Variants in NEMP2 observed in about 807,000 individuals in gnomAD.
NEMP2 encodes UPF0571 transmembrane protein.
NEMP2 carries 53 observed loss-of-function variants against 54.2 expected under a neutral mutation model. That is an observed-to-expected ratio of 0.98 (90% CI 0.78 to 1.23). NEMP2 has a LOEUF of 1.23. Among genes scored for constraint, NEMP2 ranks in the 50% most tolerant of loss-of-function variants. NEMP2 has a pLI of 0.00. For synonymous variants in NEMP2, 197 were observed against 190.3 expected (o/e 1.04, Z -0.29); for missense variants, 455 against 511.3 (o/e 0.89, Z 1.06).
At chr2:190,498,330 C>T in the NEMP2 span, among the ~76,000 whole-genome samples, 3 of 152,152 alleles carry the variant, frequency 2.0e-5, no homozygotes, top group Admixed American at 2.0e-4. This position sits in a 1 kb window ranked among gnomAD's most constrained non-coding sequence, Gnocchi z 5.9. Context: ...ACAATTTAGC[C>T]AAAGAAATAG....
At chr2:190,554,316 C>T in the NEMP2 span, among the ~76,000 whole-genome samples, 2 of 152,132 alleles carry the variant, frequency 1.3e-5, no homozygotes, top group South Asian at 4.1e-4. This position sits in a 1 kb window ranked among gnomAD's most constrained non-coding sequence, Gnocchi z 5.7. Flanking sequence ...ACCGTTGACT[C>T]CCCTGGAAAG....
At chr2:190,623,853 G>C in the NEMP2 span, among the ~76,000 whole-genome samples, 1 of 152,088 alleles carries the variant, frequency 6.6e-6, no homozygotes, top group Non-Finnish European at 1.5e-5. Context: ...AACCTCTGCA[G>C]AGCAAAGGAA....
the NEMP2 span, chr2:190,626,631 C>A: frequency 6.6e-6 from 1 of 152,248 alleles, no homozygotes; most frequent in East Asian, 1.9e-4. The surrounding 1 kb of genome is among the most constrained non-coding windows in gnomAD (Gnocchi z 4.5). Context: ...AGCTGCAGGT[C>A]AGACAACCCA....
At chr2:190,612,538 T>C in the NEMP2 span, among the ~76,000 whole-genome samples, 1 of 152,220 alleles carries the variant, frequency 6.6e-6, no homozygotes, top group South Asian at 2.1e-4. Flanking sequence ...AAATATCTTT[T>C]CTTTAATACC....
At chr2:190,553,815 T>C in the NEMP2 span, among the ~76,000 whole-genome samples, 1 of 152,226 alleles carries the variant, frequency 6.6e-6, no homozygotes, top group African/African-American at 2.4e-5. Context: ...CTCCATGGAC[T>C]CTTTTATTAC....
the NEMP2 span, chr2:190,477,393 A>G: frequency 1.0e-6 from 1 of 965,702 alleles, no homozygotes. Context: ...TACCTACAGA[A>G]AAGAAATGAC....
the NEMP2 span, chr2:190,489,922 A>G: frequency 7.2e-7 from 1 of 1,392,084 alleles, no homozygotes; most frequent in Non-Finnish European, 9.6e-7. The surrounding 1 kb of genome is among the most constrained non-coding windows in gnomAD (Gnocchi z 6.6). Flanking sequence ...TGGGAAGTCA[A>G]CAAATGCCCC....
rs143095275 is a variant in NEMP2, at chr2:190,525,644, C to A, written c.98-266G>T. On this transcript the variant is annotated intron_variant, in intron 1 of 8. Transcript: ENST00000409150. This position sits in a 1 kb window ranked among gnomAD's most constrained non-coding sequence, Gnocchi z 5.0. The stretch of plus-strand genomic sequence containing the variant: ...ACTTCTTCAATTCTGAAGCAGAAGG[C>A]AGAATTATGGGCACCTTCTCAGAAA... Among the ~76,000 whole-genome samples the A allele has an allele frequency of 6.6e-6, 1 of 151,908 alleles. No individual in the cohort carries two copies. Among genetic ancestry groups the A allele is most frequent in the Non-Finnish European group, 1.5e-5 (1 of 67,980 alleles).
chr2:190,468,068 T>C, the NEMP2 span, among the ~76,000 whole-genome samples: 2 of 152,238 alleles, frequency 1.3e-5, no homozygotes, highest in African/African-American at 4.8e-5. Flanking sequence ...AACTTGTGTG[T>C]TCATGTAGTA....
chr2:190,598,703 A>C, the NEMP2 span, among the ~76,000 whole-genome samples: 1 of 152,256 alleles, frequency 6.6e-6, no homozygotes, highest in African/African-American at 2.4e-5. Flanking sequence ...CAACCATTTT[A>C]AATTGGAATG....
At chr2:190,488,667 C>T in the NEMP2 span, 10 of 1,554,828 alleles carry the variant, frequency 6.4e-6, no homozygotes, top group African/African-American at 1.4e-5. This position sits in a 1 kb window ranked among gnomAD's most constrained non-coding sequence, Gnocchi z 6.4. Context: ...GAGTGACACA[C>T]GCGGCCATCT....
At chr2:190,581,883 G>C in the NEMP2 span, among the ~76,000 whole-genome samples, 1 of 152,094 alleles carries the variant, frequency 6.6e-6, no homozygotes, top group South Asian at 2.1e-4. Context: ...AGTCATATTG[G>C]TAACTTGAAA....
At chr2:190,438,227 T>A in the NEMP2 span, among the ~76,000 whole-genome samples, 2 of 133,746 alleles carry the variant, frequency 1.5e-5, no homozygotes, top group African/African-American at 5.5e-5. This position sits in a 1 kb window ranked among gnomAD's most constrained non-coding sequence, Gnocchi z 5.2. Flanking sequence ...AAAAAAAAAA[T>A]CTATAGGCTG....
chr2:190,548,899 C>T, the NEMP2 span, among the ~76,000 whole-genome samples: 10 of 152,318 alleles, frequency 6.6e-5, no homozygotes, highest in East Asian at 1.9e-3. Context: ...AAATATCCAC[C>T]ATCCTGATTT....
chr2:190,514,537 G>T lies in NEMP2; in HGVS notation c.869C>A (p.Pro290His). Reference protein sequence around the residue: ...LVLVYAGVAVPQFAYAAIILL... With the variant: ...LVLVYAGVAVHQFAYAAIILL... Reference sequence around the variant, plus strand: ...GATTATGGCTGCATAGGCAAACTGAGGCACGGCCACACCAGCATAGACCAG... The same window carrying T: ...GATTATGGCTGCATAGGCAAACTGATGCACGGCCACACCAGCATAGACCAG... Residue 290 changes from proline (P) to histidine (H), a missense_variant, in exon 7 of 9, where the codon CCT becomes CAT. Transcript: ENST00000409150. The surrounding 1 kb of genome is among the most constrained non-coding windows in gnomAD (Gnocchi z 5.7). 6.4e-7 allele frequency: 1 copy of T among 1,551,700 alleles called. No homozygotes were observed. The highest frequency in any genetic ancestry group is 1.4e-5 in the African/African-American group (1 of 73,158).
At chr2:190,555,463 A>G in the NEMP2 span, among the ~76,000 whole-genome samples, 1 of 152,092 alleles carries the variant, frequency 6.6e-6, no homozygotes, top group East Asian at 1.9e-4. This position sits in a 1 kb window ranked among gnomAD's most constrained non-coding sequence, Gnocchi z 4.8. Flanking sequence ...TAACCAGTTT[A>G]GAGAAGAACA....
chr2:190,557,312 T>C, the NEMP2 span, among the ~76,000 whole-genome samples: 2 of 152,068 alleles, frequency 1.3e-5, no homozygotes, highest in Non-Finnish European at 2.9e-5. Context: ...TTACACCTTA[T>C]AAAAAATTAA....
chr2:190,557,273 A>C, the NEMP2 span, among the ~76,000 whole-genome samples: 1 of 152,366 alleles, frequency 6.6e-6, no homozygotes, highest in East Asian at 1.9e-4. Context: ...GGCTAGCCAT[A>C]TGCAGAAAGC....
chr2:190,491,942 GAGAT>G, the NEMP2 span, among the ~76,000 whole-genome samples: 2 of 152,264 alleles, frequency 1.3e-5, no homozygotes, highest in Non-Finnish European at 2.9e-5. This position sits in a 1 kb window ranked among gnomAD's most constrained non-coding sequence, Gnocchi z 4.2. Context: ...AATCTTCAAT[GAGAT>G]AGATAGCATA....
Sources: allele counts gnomAD v4.1 joint callset (sites outside exome capture counted in the v4.1 genomes callset), GRCh38; gene constraint gnomAD v4.1.1; non-coding constraint Gnocchi (gnomAD v3.1); transcripts MANE v1.5; gene names NCBI Gene and HGNC (gene_info 2026-07-23, HGNC 2026-07-21).